IGFBP7: variants seen among roughly 807,000 people sequenced by gnomAD.
IGFBP7 encodes the protein insulin-like growth factor-binding protein 7.
IGFBP7 carries 31 observed loss-of-function variants against 29.4 expected under a neutral mutation model. The observed-to-expected ratio is 1.05, with a 90% CI of 0.79 to 1.42. The LOEUF is 1.42. Among genes scored for constraint, IGFBP7 ranks in the 40% most tolerant of loss-of-function variants. IGFBP7 has a pLI of 0.00. For synonymous variants in IGFBP7, 172 were observed against 174.9 expected (o/e 0.98, Z 0.13); for missense variants, 393 against 395.5 (o/e 0.99, Z 0.05).
intron 1 of IGFBP7, among the ~76,000 whole-genome samples, chr4:57,072,260 G>A (rs181325297): frequency 1.3e-5 from 2 of 152,196 alleles, no homozygotes; most frequent in Non-Finnish European, 2.9e-5. Context: ...TTGGTTTTCT[G>A]TTTCTACGTT....
chr4:57,039,643 C>CTTTTTTT (rs10716496), intron 2 of IGFBP7, among the ~76,000 whole-genome samples: 1 of 128,672 alleles, frequency 7.8e-6, no homozygotes, highest in African/African-American at 3.0e-5. Flanking sequence ...AATTCACACT[C>CTTTTTTT]TTTTTTTTTT....
intron 1 of IGFBP7, among the ~76,000 whole-genome samples, chr4:57,075,763 A>C (rs1037657530): frequency 2.6e-5 from 4 of 152,154 alleles, no homozygotes; most frequent in South Asian, 2.1e-4. Context: ...TCACATTTGA[A>C]AAAAAAGGTA....
intron 3 of IGFBP7, among the ~76,000 whole-genome samples, chr4:57,032,975 AGTTCTT>A (rs1402089236): frequency 6.6e-6 from 1 of 152,212 alleles, no homozygotes; most frequent in Non-Finnish European, 1.5e-5. Context: ...GGAAAATACT[AGTTCTT>A]GTTAATTCAT....
At chr4:57,109,545 T>C (rs1397753211) in intron 1 of IGFBP7, among the ~76,000 whole-genome samples, 1 of 152,140 alleles carries the variant, frequency 6.6e-6, no homozygotes, top group African/African-American at 2.4e-5. Flanking sequence ...TGATGAGAAA[T>C]GGACAGATGT....
At chr4:57,054,639 C>CA (rs75161514) in intron 1 of IGFBP7, among the ~76,000 whole-genome samples, 393 of 27,858 alleles carry the variant, frequency 0.014, 4 homozygotes, top group African/African-American at 0.037. Flanking sequence ...CTCTCTCTCA[C>CA]AAAAAAAAAA....
intron 1 of IGFBP7, among the ~76,000 whole-genome samples, chr4:57,070,816 A>C (rs2109775122): frequency 6.6e-6 from 1 of 152,334 alleles, no homozygotes; most frequent in African/African-American, 2.4e-5. Flanking sequence ...TGTTCAGTGC[A>C]TTTTTCTACT....
At chr4:57,068,651 G>GGGAACTGGCACATGAAAGGT (rs1724979548) in intron 1 of IGFBP7, among the ~76,000 whole-genome samples, 1 of 152,156 alleles carries the variant, frequency 6.6e-6, no homozygotes, top group Non-Finnish European at 1.5e-5. Context: ...ATCAAAAGAT[G>GGGAACTGGCACATGAAAGGT]GGAACTGGCA....
At chr4:57,035,777 C>T (rs1204875518) in intron 2 of IGFBP7, among the ~76,000 whole-genome samples, 1 of 152,108 alleles carries the variant, frequency 6.6e-6, no homozygotes, top group Non-Finnish European at 1.5e-5. Context: ...TATGTGTTTT[C>T]TAGTTAAAAT....
intron 1 of IGFBP7, among the ~76,000 whole-genome samples, chr4:57,105,907 ATTTTT>A (rs34995246): frequency 1.5e-5 from 2 of 135,828 alleles, no homozygotes; most frequent in Middle Eastern, 3.9e-3. Flanking sequence ...CATTTTTTAA[ATTTTT>A]TTTTTTTTTT....
intron 1 of IGFBP7, among the ~76,000 whole-genome samples, chr4:57,068,096 G>T (rs1724963152): frequency 6.6e-6 from 1 of 152,110 alleles, no homozygotes. Context: ...GGAGGCTGAG[G>T]TGGGCAGATC....
At chr4:57,089,987 C>A (rs1725594879) in intron 1 of IGFBP7, among the ~76,000 whole-genome samples, 1 of 152,208 alleles carries the variant, frequency 6.6e-6, no homozygotes, top group Non-Finnish European at 1.5e-5. Context: ...TGAAAGGACC[C>A]TGGTCCTTGA....
Position 57,040,873 on chromosome 4 carries a change from A to G in IGFBP7, c.536T>C (p.Leu179Ser). The G allele has an allele frequency of 6.2e-7, 1 of 1,613,562 alleles. No individual in the cohort carries two copies. Residue 179 changes from leucine to serine, a missense_variant, in exon 2 of 5, where the codon TTG becomes TCG. By Grantham distance (145) the Leu-to-Ser change is moderately radical. Transcript: ENST00000295666. The stretch of plus-strand genomic sequence containing the variant: ...CGGGATTCCGATGACCTCACAGCTC[A>G]AGTACACCTGGGCACCAGTGACATT... Reference protein sequence around the residue: ...IWNVTGAQVYLSCEVIGIPTP... With the variant: ...IWNVTGAQVYSSCEVIGIPTP...
chr4:57,064,514 A>G (rs1724873769), intron 1 of IGFBP7, among the ~76,000 whole-genome samples: 1 of 152,262 alleles, frequency 6.6e-6, no homozygotes, highest in South Asian at 2.1e-4. Flanking sequence ...ACATGAATTT[A>G]GATTCTATTT....
chr4:57,035,080 T>C (rs1724050493), intron 2 of IGFBP7, among the ~76,000 whole-genome samples: 1 of 152,172 alleles, frequency 6.6e-6, no homozygotes, highest in Non-Finnish European at 1.5e-5. Flanking sequence ...TTCAGAATCA[T>C]ATGAGTTTTA....
chr4:57,072,429 A>G lies in IGFBP7; in HGVS notation c.476-31496T>C, dbSNP rs114521764. On this transcript the variant is annotated intron_variant, in intron 1 of 4. Transcript: ENST00000295666. ...GCCCCTGTGGTCCCAGCTACTTAGG[A>G]GGCTGTGGCAGAAGGATTGCTTGAG... is the stretch of plus-strand genomic sequence containing the variant. 3.1e-3 allele frequency among the ~76,000 whole-genome samples: 471 copies of G among 152,244 alleles called. 3 individuals are homozygous for G. The highest frequency in any genetic ancestry group is 9.6e-3 in the African/African-American group (400 of 41,540).
At chr4:57,087,038 G>C (rs779206060) in intron 1 of IGFBP7, among the ~76,000 whole-genome samples, 3 of 151,834 alleles carry the variant, frequency 2.0e-5, no homozygotes, top group Non-Finnish European at 4.4e-5. Context: ...CTGATCTAGT[G>C]GCTCAGTTAT....
intron 1 of IGFBP7, among the ~76,000 whole-genome samples, chr4:57,054,062 G>A (rs1724580999): frequency 6.6e-6 from 1 of 151,824 alleles, no homozygotes; most frequent in South Asian, 2.1e-4. Context: ...GGTTGGTCTT[G>A]GACTCCCAGG....
intron 1 of IGFBP7, among the ~76,000 whole-genome samples, chr4:57,072,063 G>A (rs1725064959): frequency 6.6e-6 from 1 of 151,992 alleles, no homozygotes; most frequent in Non-Finnish European, 1.5e-5. Context: ...TTTGTGTCAC[G>A]GGGGTCTGTT....
chr4:57,084,696 T>C (rs1422180968), intron 1 of IGFBP7, among the ~76,000 whole-genome samples: 1 of 151,896 alleles, frequency 6.6e-6, no homozygotes, highest in Non-Finnish European at 1.5e-5. Flanking sequence ...CTAGTTTCTG[T>C]GGTAAAATCA....
Sources: gnomAD v4.1 joint callset for allele counts (sites outside exome capture counted in the v4.1 genomes callset) on GRCh38, gnomAD v4.1.1 for gene constraint, MANE v1.5 for transcripts, NCBI Gene and HGNC (gene_info 2026-07-23, HGNC 2026-07-21) for gene names.